The following SLC9A1 variants were observed in gnomAD, a reference collection of about 807,000 sequenced individuals.
SLC9A1 encodes sodium/hydrogen exchanger 1.
A neutral mutation model predicts 67.9 loss-of-function variants in SLC9A1; 22 were observed. The ratio of observed to expected loss-of-function variants is 0.32; its 90% CI spans 0.23 to 0.46. SLC9A1 has a LOEUF of 0.46. Ranked by LOEUF, SLC9A1 falls within the 20% of genes least tolerant of loss-of-function variation. SLC9A1 has a pLI of 1.00. For missense variants in SLC9A1, 686 were observed against 1,094.8 expected, an observed-to-expected ratio of 0.63 and a Z score of 5.27; for synonymous variants, 421 against 471.8, an observed-to-expected ratio of 0.89 and a Z score of 1.40.
At position 27,109,599 on chromosome 1, in the gene SLC9A1, G is replaced by A; in HGVS notation, c.992C>T (p.Pro331Leu). 2 of 1,613,994 alleles carry A rather than the reference G, an allele frequency of 1.2e-6. No individual in the cohort carries two copies. Among genetic ancestry groups the A allele is most frequent in the Non-Finnish European group, 1.7e-6 (2 of 1,180,010 alleles). The change falls in exon 3 of 12, where the codon CCG becomes CTG. Residue 331 changes from proline to leucine, a missense_variant. Pro to Leu is a moderately conservative substitution (Grantham distance 98, BLOSUM62 -3). This residue lies in a region of SLC9A1 where 168 missense variants were observed against 375.4 expected (regional missense o/e 0.45). Transcript: ENST00000263980. The surrounding 1 kb of genome is among the most constrained non-coding windows in gnomAD (Gnocchi z 5.5). ...RFTSHIRVIE[P>L]LFVFLYSYMA... ...GTAGCTGTAGAGGAAGACGAAGAGC[G>A]GCTCGATGACCCGGATGTGGGAGGT...
chr1:27,109,456 C>G lies in SLC9A1; in HGVS notation c.1064+71G>C, dbSNP rs983349101. ...CCTGGGAGCTCCGTGAACCTACGAG[C>G]CTGGGGAATCCAAGCTGGCAGCCCC... On this transcript the variant is annotated intron_variant, in intron 3 of 11. Coordinates refer to ENST00000263980, the MANE Select transcript of SLC9A1 (RefSeq NM_003047.5). This position sits in a 1 kb window ranked among gnomAD's most constrained non-coding sequence, Gnocchi z 5.5. 80 of 1,541,502 alleles carry G rather than the reference C, an allele frequency of 5.2e-5. No individual in the cohort carries two copies. The highest frequency in any genetic ancestry group is 6.9e-5 in the Non-Finnish European group (78 of 1,130,386).
At position 27,154,895 on chromosome 1, in the gene SLC9A1, G is replaced by A. The variant is rs1237339966; in HGVS notation, c.-561C>T. 6.6e-6 allele frequency: 1 copy of A among 152,396 alleles called. No homozygotes were observed. The highest frequency in any genetic ancestry group is 1.9e-4 in the East Asian group (1 of 5,200). 9.4% of individuals were successfully genotyped at this position (152,396 alleles called of 1,614,324 possible). ...AGCTTCTCCACCCAGAGAGGGGCAG[G>A]GGTCCAGGCGCGCCGGGCTGAGATT... On this transcript the variant is annotated 5_prime_UTR_variant, in exon 1 of 12. Coordinates refer to ENST00000263980, the MANE Select transcript of SLC9A1 (RefSeq NM_003047.5).
At chr1:27,130,324 G>A (rs868377123) in intron 1 of SLC9A1, among the ~76,000 whole-genome samples, 12 of 152,146 alleles carry the variant, frequency 7.9e-5, no homozygotes, top group African/African-American at 2.4e-4. Context: ...GACTGGTCTC[G>A]AACGCTTGAC....
rs142070123 is a variant in SLC9A1, at chr1:27,144,836, C to T, written c.352+9147G>A. Among the ~76,000 whole-genome samples, 1,005 of 152,198 alleles carry T rather than the reference C, an allele frequency of 6.6e-3. 9 individuals carry two copies. Among genetic ancestry groups the T allele is most frequent in the African/African-American group, 0.022 (926 of 41,540 alleles). On this transcript the variant is annotated intron_variant, in intron 1 of 11. Coordinates refer to ENST00000263980, the MANE Select transcript of SLC9A1 (RefSeq NM_003047.5). ...CCAGACTGGCCAGCATAGCAAAACC[C>T]CGTCTCTACTAAAAACACAAAAAAT...
intron 1 of SLC9A1, among the ~76,000 whole-genome samples, chr1:27,122,621 C>G (rs1258035971): frequency 1.3e-5 from 2 of 152,212 alleles, no homozygotes; most frequent in Non-Finnish European, 2.9e-5. Flanking sequence ...AGCCTGCAGC[C>G]TGGTTCTACC....
chr1:27,100,740 C>T lies in SLC9A1; in HGVS notation c.2111-96G>A. 5 of 998,792 alleles carry T rather than the reference C, an allele frequency of 5.0e-6. No individual in the cohort carries two copies. The highest frequency in any genetic ancestry group is 7.5e-6 in the Non-Finnish European group (5 of 669,710). The allele number at this position is 998,792 out of a possible 1,614,324, so 61.9% of individuals were successfully genotyped here. A position where few individuals can be genotyped will look rare whatever the true frequency, so the allele number is the denominator to read the frequency against. On this transcript the variant is annotated intron_variant, in intron 11 of 11. Transcript: ENST00000263980. The surrounding 1 kb of genome is among the most constrained non-coding windows in gnomAD (Gnocchi z 5.6). ...CGTCAGTGCCTCCTTCAGGCCTTCT[C>T]ATGAGCACAGCCGTCCCGGTCCCAA... is the stretch of plus-strand genomic sequence containing the variant.
At chr1:27,139,629 A>C (rs1371430864) in intron 1 of SLC9A1, among the ~76,000 whole-genome samples, 1 of 152,160 alleles carries the variant, frequency 6.6e-6, no homozygotes, top group African/African-American at 2.4e-5. Flanking sequence ...TCTGCCCAGC[A>C]AAACAGGTGA....
At chr1:27,128,732 C>A (rs1278883822) in intron 1 of SLC9A1, among the ~76,000 whole-genome samples, 1 of 150,692 alleles carries the variant, frequency 6.6e-6, no homozygotes, top group African/African-American at 2.4e-5. Context: ...CCAAGGCGGG[C>A]GGATCACCTG....
chr1:27,141,749 C>A (rs1180513609), intron 1 of SLC9A1, among the ~76,000 whole-genome samples: 1 of 152,212 alleles, frequency 6.6e-6, no homozygotes, highest in Non-Finnish European at 1.5e-5. Flanking sequence ...TCCCCTCCCC[C>A]ATCTTGCTGT....
intron 2 of SLC9A1, among the ~76,000 whole-genome samples, chr1:27,113,084 G>A (rs563632778): frequency 1.0e-3 from 158 of 152,072 alleles, no homozygotes; most frequent in Admixed American, 1.8e-3. Context: ...AGAGCTGAAA[G>A]GCCCCTCACA....
chr1:27,123,401 G>A (rs1434146032), intron 1 of SLC9A1, among the ~76,000 whole-genome samples: 3 of 152,120 alleles, frequency 2.0e-5, no homozygotes, highest in Non-Finnish European at 4.4e-5. Flanking sequence ...TGCTTCAACT[G>A]CTTCTATGGG....
At chr1:27,152,324 AG>A (rs2083534945) in intron 1 of SLC9A1, among the ~76,000 whole-genome samples, 1 of 152,232 alleles carries the variant, frequency 6.6e-6, no homozygotes, top group Non-Finnish European at 1.5e-5. Flanking sequence ...TGTGTCTGCC[AG>A]CCCTGAATGC....
chr1:27,125,698 G>A (rs909918334), intron 1 of SLC9A1, among the ~76,000 whole-genome samples: 3 of 152,068 alleles, frequency 2.0e-5, no homozygotes, highest in African/African-American at 7.2e-5. Context: ...GGGTTCAAGC[G>A]ATTCTCCTGC....
rs999946578 is a variant in SLC9A1 at position 27,109,905 on chromosome 1, G to A, written c.814-128C>T. The A allele has an allele frequency of 2.2e-5, 24 of 1,114,814 alleles. No homozygotes were observed. Among genetic ancestry groups the A allele is most frequent in the Non-Finnish European group, 2.8e-5 (22 of 775,008 alleles). The allele number at this position is 1,114,814 out of a possible 1,614,324, so 69.1% of individuals were successfully genotyped here. A position where few individuals can be genotyped will look rare whatever the true frequency, so the allele number is the denominator to read the frequency against. On this transcript the variant is annotated intron_variant, in intron 2 of 11. Transcript: ENST00000263980. The surrounding 1 kb of genome is among the most constrained non-coding windows in gnomAD (Gnocchi z 5.5). ...CACAAGAAGAGGCCACACGGTAGCA[G>A]AGAAACCCTAGTGCCAAGCAGGTGC...
chr1:27,117,671 G>C (rs1007240884), intron 1 of SLC9A1, among the ~76,000 whole-genome samples: 1 of 152,246 alleles, frequency 6.6e-6, no homozygotes, highest in Non-Finnish European at 1.5e-5. Context: ...AGCCTGGCAC[G>C]CACCATCTCA....
At chr1:27,115,820 T>C (rs146732861) in intron 1 of SLC9A1, among the ~76,000 whole-genome samples, 1 of 152,000 alleles carries the variant, frequency 6.6e-6, no homozygotes, top group Non-Finnish European at 1.5e-5. Flanking sequence ...ATCCCATAAC[T>C]GCTTATCATT....
intron 5 of SLC9A1, among the ~76,000 whole-genome samples, chr1:27,104,905 T>C (rs985321409): frequency 3.3e-5 from 5 of 152,152 alleles, no homozygotes; most frequent in African/African-American, 1.2e-4. Flanking sequence ...ATTTGCACCA[T>C]CACAGGCTGG....
intron 1 of SLC9A1, among the ~76,000 whole-genome samples, chr1:27,153,615 C>T (rs1458274660): frequency 1.3e-5 from 2 of 152,242 alleles, no homozygotes; most frequent in Admixed American, 6.5e-5. Flanking sequence ...ATGTGCCACT[C>T]GCCAGAAGAC....
intron 2 of SLC9A1, among the ~76,000 whole-genome samples, chr1:27,111,433 C>T (rs1293873193): frequency 6.6e-6 from 1 of 152,154 alleles, no homozygotes. Flanking sequence ...CTCCGTTCCT[C>T]AGTTTCCTCA....
Sources: allele counts gnomAD v4.1 joint callset (sites outside exome capture counted in the v4.1 genomes callset), GRCh38; gene constraint gnomAD v4.1.1; regional missense constraint gnomAD v4.1.1; non-coding constraint Gnocchi (gnomAD v3.1); transcripts MANE v1.5; gene names NCBI Gene and HGNC (gene_info 2026-07-23, HGNC 2026-07-21).